The following GALNT13 variants were observed in gnomAD, a reference collection of about 807,000 sequenced individuals.
GALNT13 encodes UDP-GalNAc:polypeptide N-acetylgalactosaminyltransferase 13.
GALNT13 carries 28 observed loss-of-function variants against 64.2 expected under a neutral mutation model. That is an observed-to-expected ratio of 0.44 (90% CI 0.32 to 0.60). The LOEUF is 0.60. GALNT13 is among the 20% of genes least tolerant of loss of function. GALNT13 has a pLI of 0.05. For missense variants in GALNT13, 577 were observed against 669.8 expected (o/e 0.86, Z 1.53); for synonymous variants, 214 against 224.6 (o/e 0.95, Z 0.42).
chr2:153,328,098 C>T, the GALNT13 span, among the ~76,000 whole-genome samples: 2 of 152,104 alleles, frequency 1.3e-5, no homozygotes, highest in African/African-American at 2.4e-5. Context: ...GAGGTCCACT[C>T]CAGACCCTGT....
chr2:153,684,602 G>C, the GALNT13 span, among the ~76,000 whole-genome samples: 1 of 151,686 alleles, frequency 6.6e-6, no homozygotes, highest in South Asian at 2.1e-4. Context: ...ATTCCTGATT[G>C]ATTTCCTTGT....
At chr2:154,169,697 G>C (rs1297290694) in intron 4 of GALNT13, among the ~76,000 whole-genome samples, 1 of 152,136 alleles carries the variant, frequency 6.6e-6, no homozygotes, top group African/African-American at 2.4e-5. Context: ...AAGCTGGGCT[G>C]ATAACTGGAG....
the GALNT13 span, among the ~76,000 whole-genome samples, chr2:153,068,685 G>C: frequency 6.6e-6 from 1 of 152,184 alleles, no homozygotes; most frequent in East Asian, 1.9e-4. Context: ...ACTTCACCTT[G>C]GTGTGCTTGG....
the GALNT13 span, among the ~76,000 whole-genome samples, chr2:153,241,803 T>G: frequency 1.3e-4 from 19 of 151,898 alleles, no homozygotes; most frequent in African/African-American, 4.6e-4. Context: ...CCTCTCCCCC[T>G]TATAGAAAGA....
the GALNT13 span, among the ~76,000 whole-genome samples, chr2:153,361,976 G>T: frequency 6.6e-6 from 1 of 152,136 alleles, no homozygotes; most frequent in Non-Finnish European, 1.5e-5. Flanking sequence ...AGAGAGAAAG[G>T]CCAGGTAACC....
chr2:153,384,391 G>A, the GALNT13 span, among the ~76,000 whole-genome samples: 1 of 151,972 alleles, frequency 6.6e-6, no homozygotes, highest in African/African-American at 2.4e-5. Context: ...ATGAAGAAAG[G>A]GACTACCCTT....
the GALNT13 span, among the ~76,000 whole-genome samples, chr2:153,775,112 T>C: frequency 1.3e-5 from 2 of 152,152 alleles, no homozygotes; most frequent in Non-Finnish European, 1.5e-5. Context: ...TTTTCCTTTT[T>C]TAAGAATAAG....
the GALNT13 span, among the ~76,000 whole-genome samples, chr2:153,756,093 A>G: frequency 6.6e-6 from 1 of 152,164 alleles, no homozygotes. Context: ...GAAGTCTGGT[A>G]AGTACACATT....
chr2:154,411,550 T>C (rs1699796466), intron 11 of GALNT13, among the ~76,000 whole-genome samples: 1 of 151,828 alleles, frequency 6.6e-6, no homozygotes, highest in South Asian at 2.1e-4. Flanking sequence ...AGACAACTTA[T>C]TTTCAATAAT....
chr2:153,377,278 A>G, the GALNT13 span, among the ~76,000 whole-genome samples: 1 of 152,160 alleles, frequency 6.6e-6, no homozygotes, highest in African/African-American at 2.4e-5. Flanking sequence ...TGTGAGAAAT[A>G]AACTTCTGTT....
chr2:153,880,055 A>G (rs1185356386), intron 1 of GALNT13, among the ~76,000 whole-genome samples: 2 of 152,186 alleles, frequency 1.3e-5, no homozygotes, highest in Non-Finnish European at 2.9e-5. Flanking sequence ...TATATACTTC[A>G]AATACGTAAC....
the GALNT13 span, among the ~76,000 whole-genome samples, chr2:153,283,870 G>A: frequency 6.6e-6 from 1 of 152,168 alleles, no homozygotes; most frequent in East Asian, 1.9e-4. Context: ...GCACAGGCAG[G>A]GTGGGTCAGC....
At chr2:153,311,285 T>C in the GALNT13 span, among the ~76,000 whole-genome samples, 1 of 152,154 alleles carries the variant, frequency 6.6e-6, no homozygotes, top group African/African-American at 2.4e-5. Flanking sequence ...GGAATCAAGA[T>C]TTGGAGAAGT....
chr2:153,927,756 C>A (rs1690249306), intron 2 of GALNT13, among the ~76,000 whole-genome samples: 1 of 151,706 alleles, frequency 6.6e-6, no homozygotes, highest in Non-Finnish European at 1.5e-5. Context: ...ACAACTTTAC[C>A]AGGAAGTTTG....
At chr2:153,965,841 T>C (rs1236398321) in intron 3 of GALNT13, among the ~76,000 whole-genome samples, 2 of 151,796 alleles carry the variant, frequency 1.3e-5, no homozygotes, top group Non-Finnish European at 2.9e-5. Context: ...ACATTTTCAT[T>C]CCATCCCCCT....
chr2:153,399,037 T>TAGAAGA, the GALNT13 span, among the ~76,000 whole-genome samples: 5 of 123,874 alleles, frequency 4.0e-5, no homozygotes, highest in African/African-American at 1.6e-4. Context: ...GGTTTTCTTC[T>TAGAAGA]AGGGTTTTTA....
intron 3 of GALNT13, among the ~76,000 whole-genome samples, chr2:154,091,738 AT>A (rs1212539761): frequency 6.6e-6 from 1 of 151,946 alleles, no homozygotes; most frequent in Non-Finnish European, 1.5e-5. Context: ...AGAATCAGTC[AT>A]TTCTGTTAGA....
intron 8 of GALNT13, among the ~76,000 whole-genome samples, chr2:154,273,891 G>T (rs1314842416): frequency 6.6e-6 from 1 of 151,570 alleles, no homozygotes; most frequent in Non-Finnish European, 1.5e-5. Context: ...GCTTACATTT[G>T]AATAATACAT....
At chr2:153,077,079 G>A in the GALNT13 span, among the ~76,000 whole-genome samples, 1 of 151,984 alleles carries the variant, frequency 6.6e-6, no homozygotes, top group Admixed American at 6.6e-5. Flanking sequence ...AGCCTCCCGA[G>A]TAGCTGGGAT....
Sources: gnomAD v4.1 joint callset for allele counts (sites outside exome capture counted in the v4.1 genomes callset) on GRCh38, gnomAD v4.1.1 for gene constraint, MANE v1.5 for transcripts, NCBI Gene and HGNC (gene_info 2026-07-23, HGNC 2026-07-21) for gene names.